Variants in CT45A10 observed in about 807,000 individuals in gnomAD.
CT45A10 encodes cancer/testis antigen family 45 member A10.
CT45A10 carries 19 observed loss-of-function variants against 8.3 expected under a neutral mutation model. The observed-to-expected ratio is 2.30, with a 90% CI of 1.61 to 3.38. CT45A10 has a LOEUF of 3.38. Ranked by LOEUF, CT45A10 falls within the 30% of genes most tolerant of loss-of-function variation. The pLI is 0.00. For synonymous variants in CT45A10, 28 were observed against 26.5 expected (o/e 1.06, Z -0.17); for missense variants, 149 against 85.9 (o/e 1.73, Z -2.90).
intron 3 of CT45A10, 48 bp downstream of exon 3, chrX:135,882,960 G>A (rs2088398916): frequency 4.3e-6 from 5 of 1,176,259 alleles, no homozygotes; most frequent in Non-Finnish European, 5.7e-6. Context: ...ATCATAGAAA[G>A]AGTGACTTCC....
In CT45A10 at chrX:135,883,099, G is replaced by T; in HGVS notation, c.327C>A (p.Cys109Ter). 2.5e-6 allele frequency: 3 copies of T among 1,198,870 alleles called. No homozygotes were observed. Among genetic ancestry groups the T allele is most frequent in the South Asian group, 1.8e-5 (1 of 56,021 alleles). The change falls in exon 3 of 5, where the codon TGC becomes TGA. Residue 109 changes from cysteine (C) to a stop codon, truncating the protein, a stop_gained. Transcript: ENST00000682849. LOFTEE classifies it high-confidence loss of function. ...TSNFSGDDLE[C>*]RGIASSPKSQ... ...TTTTGGGAGAGGAGGCTATTCCTCT[G>T]CATTCTAGGTCATCTCCAGAGAAAT...
intron 1 of CT45A10, among the ~76,000 whole-genome samples, chrX:135,891,792 A>G (rs2088501872): frequency 8.9e-6 from 1 of 111,765 alleles, no homozygotes; most frequent in African/African-American, 3.3e-5. Flanking sequence ...GAGATAGTGT[A>G]AAAGCAAAAC....
intron 1 of CT45A10, among the ~76,000 whole-genome samples, chrX:135,887,651 A>G (rs2088443768): frequency 1.8e-5 from 2 of 109,932 alleles, no homozygotes; most frequent in Non-Finnish European, 3.8e-5. Context: ...GTGCTAAAAA[A>G]AAAAAAAAGA....
intron 1 of CT45A10, among the ~76,000 whole-genome samples, chrX:135,891,292 T>C (rs2088497265): frequency 9.1e-6 from 1 of 109,411 alleles, no homozygotes; most frequent in African/African-American, 3.3e-5. Flanking sequence ...AAAGACACTC[T>C]TAAGAGAGTG....
At chrX:135,883,346 G>T (rs2148060788) in intron 2 of CT45A10, 90 bp from the exon 3 acceptor site, 1 of 1,184,608 alleles carries the variant, frequency 8.4e-7, no homozygotes, top group Non-Finnish European at 1.1e-6. Flanking sequence ...GACAGATCTG[G>T]AAATCAAACT....
intron 4 of CT45A10, among the ~76,000 whole-genome samples, chrX:135,881,768 A>C (rs2088377747): frequency 2.5e-5 from 1 of 39,951 alleles, no homozygotes; most frequent in African/African-American, 1.1e-4. Flanking sequence ...TACACCATAG[A>C]GTACTGTTTA....
At chrX:135,892,076 T>C (rs1556590333) in intron 1 of CT45A10, among the ~76,000 whole-genome samples, 1 of 108,539 alleles carries the variant, frequency 9.2e-6, no homozygotes, top group East Asian at 2.9e-4. Context: ...ATCCCAGCAC[T>C]TTGGGAGGCC....
intron 1 of CT45A10, among the ~76,000 whole-genome samples, chrX:135,889,470 A>G (rs782390806): frequency 1.8e-4 from 17 of 95,573 alleles, no homozygotes; most frequent in African/African-American, 4.8e-4. Context: ...CATACAGAAG[A>G]CTCCATCAAA....
At chrX:135,889,165 G>C (rs2088471106) in intron 1 of CT45A10, 2 of 552,816 alleles carry the variant, frequency 3.6e-6, no homozygotes, top group South Asian at 1.9e-4. Context: ...CCTCCCCTTC[G>C]TTGACTCTGG....
intron 1 of CT45A10, among the ~76,000 whole-genome samples, chrX:135,889,480 A>G (rs1183211504): frequency 1.4e-5 from 1 of 72,003 alleles, no homozygotes; most frequent in African/African-American, 4.3e-5. Flanking sequence ...ACTCCATCAA[A>G]AAAAAAAAAA....
At chrX:135,882,488 T>C in intron 4 of CT45A10, 48 bp downstream of exon 4, 1 of 770,764 alleles carries the variant, frequency 1.3e-6, no homozygotes, top group Admixed American at 2.7e-5. Flanking sequence ...CAGTACTCTA[T>C]TGAGCCCAAG....
intron 1 of CT45A10, among the ~76,000 whole-genome samples, chrX:135,893,022 C>G (rs2088523595): frequency 9.1e-6 from 1 of 110,217 alleles, no homozygotes; most frequent in Admixed American, 9.6e-5. Context: ...CTGACACAGG[C>G]AACCAAGGCA....
At chrX:135,889,564 A>G (rs1556589178) in intron 1 of CT45A10, among the ~76,000 whole-genome samples, 1 of 110,999 alleles carries the variant, frequency 9.0e-6, no homozygotes, top group African/African-American at 3.3e-5. Flanking sequence ...TTTAAAGTCA[A>G]CCCCGACCGG....
intron 2 of CT45A10, 64 bp from the exon 3 acceptor site, chrX:135,883,320 C>T (rs1269917141): frequency 1.7e-6 from 2 of 1,190,767 alleles, no homozygotes; most frequent in African/African-American, 3.6e-5. Flanking sequence ...TTCCCCTCCA[C>T]ATAAACCTCA....
chrX:135,882,769 A>G (rs1254328293), intron 3 of CT45A10, 140 bp from the exon 4 acceptor site: 1 of 414,749 alleles, frequency 2.4e-6, no homozygotes, highest in Non-Finnish European at 4.1e-6. Flanking sequence ...CAAAACCTAA[A>G]TAATAAAAAA....
intron 1 of CT45A10, among the ~76,000 whole-genome samples, chrX:135,892,221 G>T (rs1424442309): frequency 3.6e-5 from 4 of 111,041 alleles, no homozygotes; most frequent in African/African-American, 1.3e-4. Flanking sequence ...ACTGAGGCAC[G>T]AGAATCGAGC....
intron 1 of CT45A10, among the ~76,000 whole-genome samples, 159 bp downstream of exon 1, chrX:135,893,186 G>A (rs1419894865): frequency 3.6e-5 from 4 of 111,046 alleles, no homozygotes; most frequent in African/African-American, 9.8e-5. Flanking sequence ...CTCCCATGGC[G>A]GTGTCCTCAG....
rs782235197 is a variant in CT45A10 at position 135,889,755 on chromosome X, A to G, written c.-7+3590T>C. ...AGTCCCGCTAAGGAAGGAGACCACTACTACTCCTGCTGCCCTCCTCCCCCT... is the reference window on the plus strand; with the variant it reads ...AGTCCCGCTAAGGAAGGAGACCACTGCTACTCCTGCTGCCCTCCTCCCCCT... On this transcript the variant is annotated intron_variant, in intron 1 of 4. Coordinates refer to ENST00000682849, the MANE Select transcript of CT45A10 (RefSeq NM_001291529.2). Among the ~76,000 whole-genome samples the G allele has an allele frequency of 6.5e-5, 7 of 108,268 alleles. 1 individual carries two copies. The South Asian group carries it at 2.5e-3, about 39-fold the overall frequency. The allele number at this position is 108,268 out of a possible 115,157, so 94.0% of individuals were successfully genotyped here.
intron 1 of CT45A10, among the ~76,000 whole-genome samples, chrX:135,890,274 C>T (rs1021746497): frequency 1.8e-5 from 2 of 112,693 alleles, no homozygotes; most frequent in Non-Finnish European, 3.7e-5. Flanking sequence ...CCTTAGGCAG[C>T]TCATGCCTGC....
Sources: gnomAD v4.1 joint callset for allele counts (sites outside exome capture counted in the v4.1 genomes callset) on GRCh38, gnomAD v4.1.1 for gene constraint, MANE v1.5 for transcripts, NCBI Gene and HGNC (gene_info 2026-07-23, HGNC 2026-07-21) for gene names.